The following CCDC150 variants were observed in gnomAD, a reference collection of about 807,000 sequenced individuals.
CCDC150 encodes the protein coiled-coil domain containing 150, also known as coiled-coil domain-containing protein 150.
Under a neutral mutation model 156.5 loss-of-function variants are expected in CCDC150, and 151 were observed. That is an observed-to-expected ratio of 0.97 (90% CI 0.85 to 1.10). The LOEUF is 1.10. Ranked by LOEUF, CCDC150 falls within the 50% of genes least tolerant of loss-of-function variation. CCDC150 has a pLI of 0.00. For synonymous variants in CCDC150, 452 were observed against 429.4 expected (o/e 1.05, Z -0.65); for missense variants, 1,312 against 1,268.1 (o/e 1.03, Z -0.53).
intron 16 of CCDC150, 126 bp from the exon 17 acceptor site, chr2:196,712,551 T>C: frequency 4.6e-6 from 3 of 648,634 alleles, no homozygotes; most frequent in Non-Finnish European, 8.2e-6. Context: ...AAATAGATTG[T>C]ATTACTGAAC....
intron 13 of CCDC150, among the ~76,000 whole-genome samples, chr2:196,690,321 A>G (rs1053600409): frequency 5.3e-5 from 8 of 152,106 alleles, no homozygotes; most frequent in African/African-American, 1.9e-4. Context: ...AGCATGGCAC[A>G]TGTATACATA....
chr2:196,689,901 T>C (rs1290193709), intron 13 of CCDC150, among the ~76,000 whole-genome samples: 1 of 152,204 alleles, frequency 6.6e-6, no homozygotes, highest in African/African-American at 2.4e-5. Context: ...ATAGCTCTTA[T>C]TATTTTGAGA....
chr2:196,676,334 C>T (rs1380244881), intron 11 of CCDC150, 67 bp downstream of exon 11: 6 of 1,556,888 alleles, frequency 3.9e-6, no homozygotes, highest in East Asian at 2.3e-5. Context: ...TATCATGTGT[C>T]CGTCTCAGTC....
intron 1 of CCDC150, among the ~76,000 whole-genome samples, chr2:196,640,644 C>T (rs1692161854): frequency 6.6e-6 from 1 of 152,234 alleles, no homozygotes; most frequent in Non-Finnish European, 1.5e-5. Context: ...ATAGCACCAT[C>T]CAGGCCAAAA....
chr2:196,714,472 G>A (rs1261430327), intron 17 of CCDC150, among the ~76,000 whole-genome samples: 1 of 152,190 alleles, frequency 6.6e-6, no homozygotes, highest in Admixed American at 6.5e-5. Context: ...AGGAGTGTAG[G>A]GAGAGTAGTA....
intron 13 of CCDC150, among the ~76,000 whole-genome samples, chr2:196,690,916 G>T (rs953186414): frequency 3.3e-5 from 5 of 152,136 alleles, no homozygotes; most frequent in Non-Finnish European, 7.3e-5. Flanking sequence ...TAACGTGAAG[G>T]GATGTTGAAT....
In CCDC150 at chr2:196,674,301, A is replaced by C. The variant is rs373866015; in HGVS notation, c.1090A>C (p.Thr364Pro). The C allele has an allele frequency of 1.1e-5, 18 of 1,604,220 alleles. No individual in the cohort carries two copies. Among genetic ancestry groups the C allele is most frequent in the Admixed American group, 5.1e-5 (3 of 58,936 alleles). Residue 364 changes from threonine (T) to proline (P), a missense_variant, in exon 10 of 28, where the codon ACT (threonine) becomes CCT (proline). Physicochemically the swap from Thr to Pro is conservative, Grantham distance 38. Coordinates refer to ENST00000389175, the MANE Select transcript of CCDC150 (RefSeq NM_001080539.2). ...SELSCMLQTV[T>P]MEKARIIADH... is the part of the protein sequence containing the mutation. ...GTTGAGCTGCATGCTTCAGACTGTT[A>C]CTATGGAAAAAGCCAGAATCATTGC...
intron 13 of CCDC150, among the ~76,000 whole-genome samples, chr2:196,690,468 A>T (rs1695393186): frequency 6.6e-6 from 1 of 152,224 alleles, no homozygotes; most frequent in African/African-American, 2.4e-5. Flanking sequence ...GTAATTTAAA[A>T]TAGGTAAATT....
chr2:196,726,489 TGCCA>T, intron 22 of CCDC150: 2 of 159,022 alleles, frequency 1.3e-5, no homozygotes, highest in Admixed American at 6.2e-5. Flanking sequence ...CCCCAGTGTG[TGCCA>T]AATGACCCTT....
At chr2:196,729,563 A>G (rs1698414297) in intron 23 of CCDC150, 176 bp downstream of exon 23, 1 of 680,684 alleles carries the variant, frequency 1.5e-6, no homozygotes, top group Admixed American at 2.9e-5. Context: ...TAAATGTTTG[A>G]TTTCTCATTT....
At chr2:196,679,370 T>G (rs534185722) in intron 13 of CCDC150, among the ~76,000 whole-genome samples, 1 of 152,244 alleles carries the variant, frequency 6.6e-6, no homozygotes, top group Non-Finnish European at 1.5e-5. Flanking sequence ...TTTTTGTCCC[T>G]GTAGTTATAA....
In CCDC150 at chr2:196,663,330, A is replaced by T. The variant is rs116219618; in HGVS notation, c.646-2237A>T. On this transcript the variant is annotated intron_variant, in intron 5 of 27. Transcript: ENST00000389175. ...ATGACAGTTTATTACATAAATATATATAAAGAGTTGATAACTATATTAGAA... is the reference window on the plus strand; with the variant it reads ...ATGACAGTTTATTACATAAATATATTTAAAGAGTTGATAACTATATTAGAA... Among the ~76,000 whole-genome samples the T allele has an allele frequency of 2.2e-3, 329 of 152,348 alleles. 2 individuals carry two copies. Among genetic ancestry groups the T allele is most frequent in the African/African-American group, 7.3e-3 (303 of 41,596 alleles).
chr2:196,682,723 A>G (rs2125628424), intron 13 of CCDC150, among the ~76,000 whole-genome samples: 1 of 152,232 alleles, frequency 6.6e-6, no homozygotes, highest in Admixed American at 6.5e-5. Flanking sequence ...TTGATAAGAA[A>G]AAAATGGATT....
At chr2:196,682,845 ATC>A (rs1166967449) in intron 13 of CCDC150, among the ~76,000 whole-genome samples, 3 of 152,084 alleles carry the variant, frequency 2.0e-5, no homozygotes, top group Non-Finnish European at 4.4e-5. Context: ...TATAAACTAT[ATC>A]TCTATAAATT....
intron 7 of CCDC150, chr2:196,667,205 A>C: frequency 3.4e-6 from 1 of 297,330 alleles, no homozygotes; most frequent in Non-Finnish European, 6.5e-6. Flanking sequence ...AAGGCCATGA[A>C]TCCTTGATGA....
chr2:196,686,650 G>T (rs1285365670), intron 13 of CCDC150, among the ~76,000 whole-genome samples: 1 of 151,668 alleles, frequency 6.6e-6, no homozygotes, highest in Non-Finnish European at 1.5e-5. Context: ...TAACTTTTAA[G>T]TTCAGTGTAC....
At chr2:196,698,972 G>A (rs1047846487) in intron 14 of CCDC150, among the ~76,000 whole-genome samples, 7 of 152,122 alleles carry the variant, frequency 4.6e-5, no homozygotes, top group African/African-American at 1.7e-4. Flanking sequence ...TGCTGCTGAA[G>A]ACTTGGTCAA....
intron 9 of CCDC150, among the ~76,000 whole-genome samples, 184 bp from the exon 10 acceptor site, chr2:196,674,057 A>G (rs1039151827): frequency 2.0e-5 from 3 of 152,188 alleles, no homozygotes; most frequent in African/African-American, 4.8e-5. Context: ...AGAATTATTT[A>G]TGGTGTAGAC....
chr2:196,714,862 G>A (rs1048545389), intron 17 of CCDC150, among the ~76,000 whole-genome samples: 1 of 152,062 alleles, frequency 6.6e-6, no homozygotes, highest in African/African-American at 2.4e-5. Context: ...TGATATTCTT[G>A]TATACTTTTC....
Sources: gnomAD v4.1 joint callset for allele counts (sites outside exome capture counted in the v4.1 genomes callset) on GRCh38, gnomAD v4.1.1 for gene constraint, MANE v1.5 for transcripts, NCBI Gene and HGNC (gene_info 2026-07-23, HGNC 2026-07-21) for gene names.